TOGARAM1: variants seen among roughly 807,000 people sequenced by gnomAD.
TOGARAM1 encodes TOG array regulator of axonemal microtubules 1, also known as TOG array regulator of axonemal microtubules protein 1.
Under a neutral mutation model 166.6 loss-of-function variants are expected in TOGARAM1, and 100 were observed. That is an observed-to-expected ratio of 0.60 (90% CI 0.51 to 0.71). The LOEUF is 0.71. TOGARAM1 is among the 30% of genes least tolerant of loss of function. TOGARAM1 has a pLI of 0.00. For missense variants in TOGARAM1, 2,029 were observed against 2,102.7 expected (o/e 0.96, Z 0.69); for synonymous variants, 758 against 763.8 (o/e 0.99, Z 0.13).
At chr14:45,020,554 G>A (rs571228572) in intron 7 of TOGARAM1, among the ~76,000 whole-genome samples, 2 of 152,300 alleles carry the variant, frequency 1.3e-5, no homozygotes, top group South Asian at 4.1e-4. Flanking sequence ...GTACTCTTTT[G>A]TTGCGGGGCT....
rs769568396 is a variant in TOGARAM1, at chr14:45,044,746, T to A, written c.4030T>A (p.Leu1344Met). Reference sequence around the variant, plus strand: ...AGAGCTAGATACCACAGTAAAAGTTTTGTTGCACAAGGCTGGTGAATCAAA... The same window carrying A: ...AGAGCTAGATACCACAGTAAAAGTTATGTTGCACAAGGCTGGTGAATCAAA... ...DQELDTTVKV[L>M]LHKAGESNTF... is the part of the protein sequence containing the mutation. Residue 1344 changes from leucine to methionine, a missense_variant, in exon 13 of 20, where the codon TTG (leucine) becomes ATG (methionine). Around this residue, in one of 2 missense-constraint regions of TOGARAM1, gnomAD observed 576 missense variants for 670.5 expected, o/e 0.86. Transcript: ENST00000361462. 6.2e-7 allele frequency: 1 copy of A among 1,614,092 alleles called. No homozygotes were observed. Among genetic ancestry groups the A allele is most frequent in the Non-Finnish European group, 8.5e-7 (1 of 1,179,992 alleles).
chr14:45,012,307 T>C (rs1879854893), intron 7 of TOGARAM1, among the ~76,000 whole-genome samples: 1 of 152,200 alleles, frequency 6.6e-6, no homozygotes, highest in African/African-American at 2.4e-5. Context: ...GGCATACCTA[T>C]GGCTGGCTCC....
Position 44,962,284 on chromosome 14 carries a change from G to T in TOGARAM1, c.-138G>T, listed in dbSNP as rs367734635. On this transcript the variant is annotated 5_prime_UTR_variant, in exon 1 of 20. Transcript: ENST00000361462. ...GAGGCTGCCTCCCGGAGTTGGGGGC[G>T]GCCTGGCGGCAGGCTGAAGCTGTTC... The T allele has an allele frequency of 3.6e-6, 4 of 1,098,212 alleles. No individual in the cohort carries two copies. The highest frequency in any genetic ancestry group is 4.9e-6 in the Non-Finnish European group (4 of 813,834). The allele number at this position is 1,098,212 out of a possible 1,614,324, so 68.0% of individuals were successfully genotyped here.
Position 44,963,074 on chromosome 14 carries a change from T to G in TOGARAM1, c.653T>G (p.Leu218Arg), listed in dbSNP as rs1198062928. The G allele has an allele frequency of 1.2e-6, 2 of 1,614,180 alleles. No individual in the cohort carries two copies. Among genetic ancestry groups the G allele is most frequent in the Non-Finnish European group, 1.7e-6 (2 of 1,180,036 alleles). Residue 218 changes from leucine (L) to arginine (R), a missense_variant, in exon 1 of 20, where the codon CTT (leucine) becomes CGT (arginine). Physicochemically the swap from Leu to Arg is moderately radical, Grantham distance 102. Transcript: ENST00000361462. ...AGTCCTGGAGAGGTGCTGAGAACGC[T>G]TATACAACAAGGACTGGAAAGTACC... is the stretch of plus-strand genomic sequence containing the variant. ...KRSPGEVLRT[L>R]IQQGLESTDA...
chr14:45,025,579 A>T, intron 7 of TOGARAM1: 4 of 397,068 alleles, frequency 1.0e-5, no homozygotes, highest in East Asian at 4.6e-5. Flanking sequence ...AAAAAAAAAA[A>T]GGAAAGGAAG....
chr14:45,056,214 T>A (rs923219395), intron 16 of TOGARAM1, among the ~76,000 whole-genome samples: 2 of 152,194 alleles, frequency 1.3e-5, no homozygotes, highest in African/African-American at 4.8e-5. Context: ...TTGATTTTTT[T>A]AAGTTGATTT....
chr14:45,025,543 G>A (rs557707420), intron 7 of TOGARAM1: 10 of 316,888 alleles, frequency 3.2e-5, no homozygotes, highest in South Asian at 1.9e-4. Context: ...CAGCCTGGGC[G>A]ACAGAGCGAG....
intron 1 of TOGARAM1, among the ~76,000 whole-genome samples, chr14:44,966,730 G>A (rs1004677106): frequency 4.6e-5 from 7 of 152,032 alleles, no homozygotes; most frequent in East Asian, 1.9e-4. Flanking sequence ...ACATTTGGAC[G>A]ATTGCTTGAG....
At chr14:44,999,092 A>G (rs1256032586) in intron 2 of TOGARAM1, among the ~76,000 whole-genome samples, 1 of 152,178 alleles carries the variant, frequency 6.6e-6, no homozygotes, top group Non-Finnish European at 1.5e-5. Context: ...TGAGAGAAAG[A>G]GTGTAGGAAG....
At chr14:44,985,649 T>C (rs1300047004) in intron 1 of TOGARAM1, among the ~76,000 whole-genome samples, 1 of 152,226 alleles carries the variant, frequency 6.6e-6, no homozygotes, top group African/African-American at 2.4e-5. Flanking sequence ...GGGGAGCTAC[T>C]GTAAATACAT....
intron 1 of TOGARAM1, among the ~76,000 whole-genome samples, chr14:44,993,624 T>TA: frequency 6.6e-6 from 1 of 152,240 alleles, no homozygotes; most frequent in Non-Finnish European, 1.5e-5. Context: ...CATCAAAACT[T>TA]ACCCTAATGA....
intron 1 of TOGARAM1, among the ~76,000 whole-genome samples, chr14:44,970,687 G>A (rs773812453): frequency 5.3e-5 from 8 of 151,994 alleles, no homozygotes; most frequent in Non-Finnish European, 1.0e-4. Context: ...TGTAGTGTTC[G>A]CTATAAAGTT....
chr14:44,972,914 A>G (rs939285624), intron 1 of TOGARAM1, among the ~76,000 whole-genome samples: 22 of 152,106 alleles, frequency 1.4e-4, no homozygotes, highest in African/African-American at 5.3e-4. Context: ...TATAATGTTG[A>G]TGAGGAAAAA....
chr14:44,996,372 A>C (rs1458175237), intron 2 of TOGARAM1: 1 of 152,394 alleles, frequency 6.6e-6, no homozygotes, highest in African/African-American at 2.4e-5. Context: ...GGGAACAGTC[A>C]GCACAAGTAA....
At chr14:45,060,694 C>A (rs1231953729) in intron 16 of TOGARAM1, among the ~76,000 whole-genome samples, 1 of 152,118 alleles carries the variant, frequency 6.6e-6, no homozygotes, top group Non-Finnish European at 1.5e-5. Flanking sequence ...GTGTGGGAGG[C>A]CTTTTCCAAA....
chr14:44,985,363 C>T (rs1886739331), intron 1 of TOGARAM1, among the ~76,000 whole-genome samples: 1 of 152,158 alleles, frequency 6.6e-6, no homozygotes, highest in African/African-American at 2.4e-5. Flanking sequence ...AACATCATCC[C>T]AAAGCATATA....
At chr14:45,052,989 T>C (rs2138974432) in intron 15 of TOGARAM1, among the ~76,000 whole-genome samples, 1 of 152,014 alleles carries the variant, frequency 6.6e-6, no homozygotes, top group African/African-American at 2.4e-5. Context: ...ATTACCACAC[T>C]GCAGAACATT....
At chr14:45,023,352 G>A (rs1398490375) in intron 7 of TOGARAM1, among the ~76,000 whole-genome samples, 1 of 152,168 alleles carries the variant, frequency 6.6e-6, no homozygotes, top group Admixed American at 6.5e-5. Context: ...AAGTAATAGA[G>A]CCTGATATTT....
Position 45,052,690 on chromosome 14 carries a change from T to G in TOGARAM1, c.4440+128T>G. On this transcript the variant is annotated intron_variant, in intron 15 of 19. Transcript: ENST00000361462. ...TAATCATTTGGACTATTGGACTATA[T>G]CTGCAATAGCATTTCAACAATTACA... 1.0e-5 allele frequency: 8 copies of G among 793,528 alleles called. No homozygotes were observed. The South Asian group carries it at 1.2e-4, about 12-fold the overall frequency. 49.2% of individuals were successfully genotyped at this position (793,528 alleles called of 1,614,324 possible).
Sources: gnomAD v4.1 joint callset for allele counts (sites outside exome capture counted in the v4.1 genomes callset) on GRCh38, gnomAD v4.1.1 for gene constraint, gnomAD v4.1.1 regional missense constraint, MANE v1.5 for transcripts, NCBI Gene and HGNC (gene_info 2026-07-23, HGNC 2026-07-21) for gene names.